The following CALHM4 variants were observed in gnomAD, a reference collection of about 807,000 sequenced individuals.
CALHM4 encodes the protein calcium homeostasis modulator protein 4.
CALHM4 carries 16 observed loss-of-function variants against 13.3 expected under a neutral mutation model. The observed-to-expected ratio is 1.20, with a 90% confidence interval of 0.81 to 1.82. The LOEUF is 1.82. Among genes scored for constraint, CALHM4 ranks in the 40% most tolerant of loss-of-function variants. The pLI is 0.00. For missense variants in CALHM4, 344 were observed against 374.9 expected (o/e 0.92, Z 0.68); for synonymous variants, 127 against 137.1 (o/e 0.93, Z 0.52).
chr6:116,533,433 A>G (rs761094110), intron 1 of CALHM4, among the ~76,000 whole-genome samples: 25 of 152,218 alleles, frequency 1.6e-4, no homozygotes, highest in Non-Finnish European at 3.2e-4. Flanking sequence ...TCTAGCAAGA[A>G]AAACACGTGG....
intron 1 of CALHM4, among the ~76,000 whole-genome samples, chr6:116,530,994 C>T (rs532057788): frequency 6.9e-6 from 1 of 144,532 alleles, no homozygotes; most frequent in Non-Finnish European, 1.5e-5. Flanking sequence ...AATTACTTTG[C>T]CCTGTTTTGG....
At chr6:116,540,740 T>A (rs535578976) in intron 1 of CALHM4, among the ~76,000 whole-genome samples, 14 of 151,996 alleles carry the variant, frequency 9.2e-5, no homozygotes, top group Non-Finnish European at 1.5e-4. Context: ...TAAATTAAAA[T>A]TAAGGAAGGC....
chr6:116,546,465 T>C (rs1773787439), intron 2 of CALHM4, among the ~76,000 whole-genome samples: 3 of 152,204 alleles, frequency 2.0e-5, no homozygotes, highest in African/African-American at 7.2e-5. Flanking sequence ...ATTAGTCCTA[T>C]TTGTTCTGGA....
Position 116,554,143 on chromosome 6 carries a change from C to T in CALHM4, c.350C>T (p.Thr117Ile). The change falls in exon 1 of 2, where the codon ACT (threonine) becomes ATT (isoleucine). Residue 117 changes from threonine (T) to isoleucine (I), a missense_variant. Physicochemically the swap from Thr to Ile is moderately conservative, Grantham distance 89. Transcript: ENST00000368596. ...ITGRAVIAPL[T>I]WLAVTLLTGT... ...GGGAGGGCAGTTATTGCTCCTTTAA[C>T]TTGGCTGGCGGTGACCCTGCTGACA... is the stretch of plus-strand genomic sequence containing the variant. 6.4e-7 allele frequency: 1 copy of T among 1,550,556 alleles called. No homozygotes were observed. The highest frequency in any genetic ancestry group is 2.4e-5 in the East Asian group (1 of 40,924).
At chr6:116,553,180 G>A (rs1173538393), upstream of CALHM4, among the ~76,000 whole-genome samples, 1 of 152,210 alleles carries the variant, frequency 6.6e-6, no homozygotes, top group Non-Finnish European at 1.5e-5. Flanking sequence ...GCAATATTCT[G>A]TCAATGCAAG....
intron 1 of CALHM4, among the ~76,000 whole-genome samples, chr6:116,542,009 G>A (rs759037891): frequency 6.6e-6 from 1 of 152,110 alleles, no homozygotes; most frequent in Non-Finnish European, 1.5e-5. Context: ...TGTTAAATGT[G>A]TACTCAATTA....
chr6:116,539,428 T>G (rs1224619652), intron 1 of CALHM4, among the ~76,000 whole-genome samples: 1 of 152,174 alleles, frequency 6.6e-6, no homozygotes, highest in East Asian at 1.9e-4. Flanking sequence ...ATCTTTCATT[T>G]GGATTGTATT....
At chr6:116,551,151 C>T (rs960577902), upstream of CALHM4, among the ~76,000 whole-genome samples, 6 of 152,166 alleles carry the variant, frequency 3.9e-5, no homozygotes, top group African/African-American at 1.4e-4. Flanking sequence ...CTGACCAAAC[C>T]TGATGCACCC....
upstream of CALHM4, among the ~76,000 whole-genome samples, chr6:116,552,189 T>G (rs1490741572): frequency 6.6e-6 from 1 of 152,220 alleles, no homozygotes; most frequent in African/African-American, 2.4e-5. Flanking sequence ...CTAAGCACTC[T>G]GAAGATAATA....
chr6:116,558,366 T>C lies in CALHM4; in HGVS notation c.*155T>C, dbSNP rs964564547. 1.1e-5 allele frequency: 10 copies of C among 906,232 alleles called. No homozygotes were observed. Among genetic ancestry groups the C allele is most frequent in the Admixed American group, 3.3e-5 (1 of 30,290 alleles). 56.1% of individuals were successfully genotyped at this position (906,232 alleles called of 1,614,324 possible). On this transcript the variant is annotated 3_prime_UTR_variant, in exon 2 of 2. Transcript: ENST00000368596. Reference sequence around the variant, plus strand: ...TCAAATATTATTTCTAAAATCAATCTATTAGATAATTGTGCCAATCTCTCA... The same window carrying C: ...TCAAATATTATTTCTAAAATCAATCCATTAGATAATTGTGCCAATCTCTCA...
chr6:116,537,716 G>A (rs901510107), intron 1 of CALHM4, among the ~76,000 whole-genome samples: 15 of 152,174 alleles, frequency 9.9e-5, no homozygotes, highest in African/African-American at 3.6e-4. Context: ...AGCATTCGCA[G>A]GCTACCTCCT....
chr6:116,540,059 T>A (rs933770775), intron 1 of CALHM4, among the ~76,000 whole-genome samples: 4 of 152,186 alleles, frequency 2.6e-5, no homozygotes, highest in African/African-American at 7.2e-5. Context: ...GGGGCATGCA[T>A]GTTTTAAGGT....
chr6:116,532,874 C>T (rs1035255222), intron 1 of CALHM4, among the ~76,000 whole-genome samples: 4 of 152,214 alleles, frequency 2.6e-5, no homozygotes, highest in African/African-American at 9.7e-5. Context: ...TACAAAGTTG[C>T]TTTGTCATTT....
intron 1 of CALHM4, among the ~76,000 whole-genome samples, chr6:116,538,804 TC>T (rs1773254439): frequency 6.6e-6 from 1 of 151,892 alleles, no homozygotes; most frequent in Non-Finnish European, 1.5e-5. Context: ...TGATCTTGAC[TC>T]ACTGTAACCT....
In CALHM4 at chr6:116,558,071, T is replaced by C. The variant is rs745656482; in HGVS notation, c.805T>C (p.Cys269Arg). 2 of 1,614,186 alleles carry C rather than the reference T, an allele frequency of 1.2e-6. No individual in the cohort carries two copies. The highest frequency in any genetic ancestry group is 1.7e-6 in the Non-Finnish European group (2 of 1,180,020). Residue 269 changes from cysteine (C) to arginine (R), a missense_variant, in exon 2 of 2, where the codon TGT becomes CGT. Coordinates refer to ENST00000368596, the MANE Select transcript of CALHM4 (RefSeq NM_001366078.2). ...CGTCAAACACATCCGCATTCCTTCTTGTCAGGACTGGAAAGATATTTCAGT... is the reference window on the plus strand; with the variant it reads ...CGTCAAACACATCCGCATTCCTTCTCGTCAGGACTGGAAAGATATTTCAGT... Reference protein sequence around the residue: ...EDVKHIRIPSCQDWKDISVPT... With the variant: ...EDVKHIRIPSRQDWKDISVPT...
At chr6:116,545,942 A>C (rs1773757233) in intron 2 of CALHM4, among the ~76,000 whole-genome samples, 1 of 152,230 alleles carries the variant, frequency 6.6e-6, no homozygotes, top group Non-Finnish European at 1.5e-5. Context: ...AAATGTTAGC[A>C]TTATTCAGTC....
intron 2 of CALHM4, among the ~76,000 whole-genome samples, chr6:116,546,836 T>G (rs1773809159): frequency 6.6e-6 from 1 of 152,212 alleles, no homozygotes. Flanking sequence ...TCTATGACAC[T>G]ATGATCTCAG....
At chr6:116,545,345 C>A in intron 2 of CALHM4, 2 of 644,798 alleles carry the variant, frequency 3.1e-6, no homozygotes, top group Admixed American at 3.2e-5. Flanking sequence ...ATTTATGATT[C>A]ACTTCGCTGA....
chr6:116,541,703 A>G (rs1158415112), intron 1 of CALHM4, among the ~76,000 whole-genome samples: 1 of 152,218 alleles, frequency 6.6e-6, no homozygotes, highest in African/African-American at 2.4e-5. Flanking sequence ...ACTTTACAGA[A>G]ATAGTTGTAT....
Sources: allele counts gnomAD v4.1 joint callset (sites outside exome capture counted in the v4.1 genomes callset), GRCh38; gene constraint gnomAD v4.1.1; transcripts MANE v1.5; gene names NCBI Gene and HGNC (gene_info 2026-07-23, HGNC 2026-07-21).